NEO1: variants seen among roughly 807,000 people sequenced by gnomAD.
NEO1 encodes neogenin 1.
A neutral mutation model predicts 159.7 loss-of-function variants in NEO1; 63 were observed. The observed-to-expected ratio is 0.39, with a 90% CI of 0.32 to 0.49. The LOEUF (loss-of-function observed/expected upper bound fraction) is 0.49, where lower values mean the gene tolerates loss of function less well. Ranked by LOEUF, NEO1 falls within the 20% of genes least tolerant of loss-of-function variation. The pLI is 0.85. For synonymous variants in NEO1, 633 were observed against 662.0 expected (o/e 0.96, Z 0.67); for missense variants, 1,615 against 1,831.0 (o/e 0.88, Z 2.15).
intron 1 of NEO1, among the ~76,000 whole-genome samples, chr15:73,100,741 T>A (rs1305179739): frequency 2.0e-5 from 3 of 152,222 alleles, no homozygotes; most frequent in Non-Finnish European, 4.4e-5. Flanking sequence ...TAAAATCACA[T>A]TCTCCTATTT....
At chr15:73,236,889 T>G (rs569359517) in intron 8 of NEO1, among the ~76,000 whole-genome samples, 1 of 152,262 alleles carries the variant, frequency 6.6e-6, no homozygotes, top group Admixed American at 6.5e-5. Context: ...GCTCCAGGGG[T>G]TCTCCTTGAT....
rs561451719 is a variant in NEO1, at chr15:73,058,960, C to CT, written c.130+6163dup. Among the ~76,000 whole-genome samples the CT allele has an allele frequency of 2.3e-4, 35 of 151,936 alleles. No individual in the cohort carries two copies. The South Asian group carries it at 6.2e-3, about 27-fold the overall frequency. Reference sequence around the variant, plus strand: ...CGCTAAAGCTCAGGTTATTGTATATCTTTTTTTTGTAGTGCAAAGTAGGAT... The same window carrying CT: ...CGCTAAAGCTCAGGTTATTGTATATCTTTTTTTTTGTAGTGCAAAGTAGGAT... On this transcript the variant is annotated intron_variant, in intron 1 of 28. Transcript: ENST00000261908.
intron 20 of NEO1, 32 bp downstream of exon 20, chr15:73,274,037 G>T (rs1410540366): frequency 1.3e-6 from 2 of 1,599,258 alleles, no homozygotes; most frequent in East Asian, 2.2e-5. Context: ...GTTTTGTTGT[G>T]TGTCTCTTTA....
chr15:73,101,144 A>G (rs1453459965), intron 1 of NEO1, among the ~76,000 whole-genome samples: 1 of 152,224 alleles, frequency 6.6e-6, no homozygotes, highest in African/African-American at 2.4e-5. Flanking sequence ...TGTCCACATT[A>G]GACATGCTGT....
intron 13 of NEO1, 111 bp from the exon 14 acceptor site, chr15:73,258,655 C>G (rs144693777): frequency 1.2e-6 from 1 of 818,418 alleles, no homozygotes; most frequent in African/African-American, 1.7e-5. Context: ...GAAACTTTGC[C>G]AAGCTATATA....
At chr15:73,115,279 G>A (rs548065769) in intron 1 of NEO1, among the ~76,000 whole-genome samples, 17 of 152,174 alleles carry the variant, frequency 1.1e-4, no homozygotes, top group Non-Finnish European at 2.4e-4. Context: ...CTGACCTCAT[G>A]ATCCACCCAC....
intron 5 of NEO1, among the ~76,000 whole-genome samples, chr15:73,170,938 G>A: frequency 6.6e-6 from 1 of 151,210 alleles, no homozygotes; most frequent in East Asian, 2.0e-4. Context: ...CCAAAAGAGA[G>A]ATAGACACAC....
intron 7 of NEO1, among the ~76,000 whole-genome samples, chr15:73,216,703 A>G (rs984337259): frequency 2.6e-5 from 4 of 151,906 alleles, no homozygotes; most frequent in African/African-American, 9.7e-5. Context: ...GCATTTTTTC[A>G]TGTGTTTTTT....
chr15:73,269,228 C>G lies in NEO1; in HGVS notation c.2495-782C>G, dbSNP rs185513590. ...GGACCCTTACATGAATAGTGATATG[C>G]ACAGATAACTCTTGTCCCAAAAATT... On this transcript the variant is annotated intron_variant, in intron 16 of 28. Transcript: ENST00000261908. 3.9e-5 allele frequency among the ~76,000 whole-genome samples: 6 copies of G among 152,296 alleles called. No homozygotes were observed. In the East Asian group the frequency reaches 1.2e-3, roughly 29 times the overall value.
At chr15:73,213,338 G>A (rs1049497585) in intron 7 of NEO1, among the ~76,000 whole-genome samples, 2 of 152,026 alleles carry the variant, frequency 1.3e-5, no homozygotes, top group Non-Finnish European at 2.9e-5. Context: ...AAGTTCTTTA[G>A]TGGTGATCTG....
At chr15:73,105,348 C>T (rs1021503677) in intron 1 of NEO1, among the ~76,000 whole-genome samples, 1 of 152,140 alleles carries the variant, frequency 6.6e-6, no homozygotes, top group African/African-American at 2.4e-5. Flanking sequence ...GTGCCTGCTG[C>T]GTGTTGTGTA....
At chr15:73,226,850 C>T (rs752771471) in intron 7 of NEO1, among the ~76,000 whole-genome samples, 7 of 152,062 alleles carry the variant, frequency 4.6e-5, no homozygotes, top group Non-Finnish European at 8.8e-5. Context: ...AATTTCAAAA[C>T]TATTTTCAAA....
At chr15:73,283,156 T>G (rs549183835) in intron 23 of NEO1, 45 bp downstream of exon 23, 1 of 1,608,726 alleles carries the variant, frequency 6.2e-7, no homozygotes, top group East Asian at 2.2e-5. Flanking sequence ...GCATCTTATC[T>G]TTTGCTTCCA....
At chr15:73,232,916 T>G (rs370594066) in intron 7 of NEO1, among the ~76,000 whole-genome samples, 1 of 152,202 alleles carries the variant, frequency 6.6e-6, no homozygotes, top group Non-Finnish European at 1.5e-5. Context: ...GGGGGATGCC[T>G]CAGACACTGT....
chr15:73,175,014 G>A lies in NEO1; in HGVS notation c.1016-1389G>A, dbSNP rs200694902. ...GGTTCTATCTCCTTTTTGTACTGTT[G>A]TTCTTCATTTACCTAAGTTATGTAG... On this transcript the variant is annotated intron_variant, in intron 5 of 28. Coordinates refer to ENST00000261908, the MANE Select transcript of NEO1 (RefSeq NM_002499.4). Among the ~76,000 whole-genome samples the A allele has an allele frequency of 3.4e-4, 51 of 152,046 alleles. No homozygotes were observed. In the East Asian group the frequency reaches 8.9e-3, roughly 27 times the overall value.
intron 8 of NEO1, among the ~76,000 whole-genome samples, chr15:73,243,212 A>G (rs558991847): frequency 2.0e-4 from 8 of 40,564 alleles, no homozygotes; most frequent in African/African-American, 3.2e-4. Context: ...TTTAATTAAA[A>G]TAAAGTAACT....
At chr15:73,269,259 A>C (rs777652499) in intron 16 of NEO1, among the ~76,000 whole-genome samples, 40 of 152,222 alleles carry the variant, frequency 2.6e-4, no homozygotes, top group Non-Finnish European at 5.0e-4. Flanking sequence ...AAATTCAGCC[A>C]CATTCACTGA....
At chr15:73,302,324 G>A (rs879145009) in intron 28 of NEO1, among the ~76,000 whole-genome samples, 1 of 152,170 alleles carries the variant, frequency 6.6e-6, no homozygotes, top group Non-Finnish European at 1.5e-5. Flanking sequence ...TGCTGACTGG[G>A]GCAGAGACCT....
chr15:73,170,791 G>T (rs576932666), intron 5 of NEO1, among the ~76,000 whole-genome samples: 1 of 152,196 alleles, frequency 6.6e-6, no homozygotes, highest in East Asian at 1.9e-4. Context: ...ATAATTGTGG[G>T]GTTATCCTAA....
Sources: gnomAD v4.1 joint callset for allele counts (sites outside exome capture counted in the v4.1 genomes callset) on GRCh38, gnomAD v4.1.1 for gene constraint, MANE v1.5 for transcripts, NCBI Gene and HGNC (gene_info 2026-07-23, HGNC 2026-07-21) for gene names.